Variants in ANO3 observed in about 807,000 individuals in gnomAD.
ANO3 encodes the protein anoctamin-3.
A neutral mutation model predicts 144.8 loss-of-function variants in ANO3; 99 were observed. The ratio of observed to expected loss-of-function variants is 0.68; its 90% CI spans 0.58 to 0.81. ANO3 has a LOEUF of 0.81. Ranked by LOEUF, ANO3 falls within the 30% of genes least tolerant of loss-of-function variation. The pLI is 0.00. For missense variants in ANO3, 905 were observed against 1,202.2 expected (o/e 0.75, Z 3.66); for synonymous variants, 414 against 392.6 (o/e 1.05, Z -0.64).
chr11:26,550,274 A>G (rs1470412791), intron 12 of ANO3, among the ~76,000 whole-genome samples: 1 of 151,882 alleles, frequency 6.6e-6, no homozygotes, highest in Non-Finnish European at 1.5e-5. Context: ...AATATTTATT[A>G]GTGATGAGAA....
intron 1 of ANO3, among the ~76,000 whole-genome samples, chr11:26,385,704 G>A (rs951462390): frequency 2.0e-5 from 3 of 151,914 alleles, no homozygotes; most frequent in African/African-American, 7.3e-5. Context: ...CACATCTCAA[G>A]ATCCTATATC....
chr11:26,454,183 A>G (rs557872842), intron 3 of ANO3, among the ~76,000 whole-genome samples: 131 of 152,292 alleles, frequency 8.6e-4, no homozygotes, highest in African/African-American at 3.0e-3. Context: ...AAGCAAGAGC[A>G]AACACATTCA....
At chr11:26,211,640 G>C (rs936127497) in intron 1 of ANO3, among the ~76,000 whole-genome samples, 1 of 152,142 alleles carries the variant, frequency 6.6e-6, no homozygotes, top group Admixed American at 6.6e-5. Context: ...AACCATTGTA[G>C]AAGACAGTTT....
chr11:26,658,216 G>C (rs1853757933), intron 26 of ANO3, among the ~76,000 whole-genome samples: 1 of 152,088 alleles, frequency 6.6e-6, no homozygotes, highest in Non-Finnish European at 1.5e-5. Flanking sequence ...ATCTTTTATT[G>C]TATTAAATAT....
chr11:26,575,211 AAC>A (rs1424733609), intron 14 of ANO3, among the ~76,000 whole-genome samples: 3 of 151,998 alleles, frequency 2.0e-5, no homozygotes, highest in Admixed American at 6.6e-5. Context: ...TTAAGAATAT[AAC>A]AGTCTTAGAT....
upstream of ANO3, among the ~76,000 whole-genome samples, chr11:26,307,183 G>A (rs915143218): frequency 1.3e-4 from 19 of 150,090 alleles, no homozygotes; most frequent in African/African-American, 2.9e-4. Context: ...GTAAAACCCC[G>A]CCTCTACTAA....
At chr11:26,210,690 G>A (rs1851913982) in intron 1 of ANO3, among the ~76,000 whole-genome samples, 1 of 152,028 alleles carries the variant, frequency 6.6e-6, no homozygotes, top group Non-Finnish European at 1.5e-5. Flanking sequence ...CCTTGAAGAA[G>A]TCCTCCACAT....
At chr11:26,622,483 G>A (rs541547219) in intron 17 of ANO3, among the ~76,000 whole-genome samples, 1 of 151,664 alleles carries the variant, frequency 6.6e-6, no homozygotes, top group East Asian at 2.0e-4. Flanking sequence ...GTGTGTACCT[G>A]TAGTTATAGC....
intron 3 of ANO3, among the ~76,000 whole-genome samples, chr11:26,456,695 T>G (rs371911921): frequency 0.014 from 1,477 of 108,482 alleles, 28 homozygotes; most frequent in Non-Finnish European, 0.02. Flanking sequence ...GAACTAGAAA[T>G]ACCATTTGAC....
At chr11:26,379,697 A>G (rs979019186) in intron 1 of ANO3, among the ~76,000 whole-genome samples, 5 of 152,042 alleles carry the variant, frequency 3.3e-5, no homozygotes, top group Non-Finnish European at 7.4e-5. Flanking sequence ...GGAGGCTGAG[A>G]TGGGAGGATC....
intron 1 of ANO3, among the ~76,000 whole-genome samples, chr11:26,253,174 A>C (rs1263483686): frequency 1.3e-5 from 2 of 152,216 alleles, no homozygotes; most frequent in African/African-American, 4.8e-5. Context: ...CACAAAAAAC[A>C]CAACAGCCTG....
chr11:26,400,536 T>C (rs966173225), intron 1 of ANO3, among the ~76,000 whole-genome samples: 2 of 152,034 alleles, frequency 1.3e-5, no homozygotes, highest in Non-Finnish European at 2.9e-5. Flanking sequence ...TAATTATACA[T>C]ATTTGACATA....
chr11:26,644,815 T>TCACA (rs71449132), intron 23 of ANO3, among the ~76,000 whole-genome samples: 7,939 of 145,146 alleles, frequency 0.055, 337 homozygotes, highest in African/African-American at 0.12. Flanking sequence ...GGAATACTAA[T>TCACA]CACACACACA....
At chr11:26,512,080 G>A (rs531392803) in intron 5 of ANO3, among the ~76,000 whole-genome samples, 2 of 152,254 alleles carry the variant, frequency 1.3e-5, no homozygotes, top group African/African-American at 4.8e-5. Flanking sequence ...TTACTGAAAA[G>A]AACATAGATT....
chr11:26,601,585 A>G (rs977835873), intron 17 of ANO3, among the ~76,000 whole-genome samples: 3 of 152,266 alleles, frequency 2.0e-5, no homozygotes, highest in Non-Finnish European at 4.4e-5. Context: ...ATGGTAGTAT[A>G]TATAAGATAG....
intron 24 of ANO3, among the ~76,000 whole-genome samples, chr11:26,654,058 A>G (rs930714743): frequency 6.6e-6 from 1 of 152,180 alleles, no homozygotes; most frequent in Non-Finnish European, 1.5e-5. Context: ...ACAGTGTCTT[A>G]ATTACTGTAA....
At chr11:26,231,038 C>T (rs558568040) in intron 1 of ANO3, among the ~76,000 whole-genome samples, 65 of 151,698 alleles carry the variant, frequency 4.3e-4, no homozygotes, top group Non-Finnish European at 7.5e-4. Context: ...ACCACCATGT[C>T]CAGCTAATTT....
chr11:26,421,050 T>G (rs1857736591), intron 1 of ANO3, among the ~76,000 whole-genome samples: 1 of 152,020 alleles, frequency 6.6e-6, no homozygotes, highest in African/African-American at 2.4e-5. Flanking sequence ...TGACACAAGT[T>G]TCTAAGTCCT....
intron 1 of ANO3, among the ~76,000 whole-genome samples, chr11:26,402,573 T>C (rs1857175897): frequency 6.6e-6 from 1 of 151,932 alleles, no homozygotes; most frequent in Non-Finnish European, 1.5e-5. Flanking sequence ...TCCCATTCTG[T>C]AGATTGCCAT....
Sources: gnomAD v4.1 joint callset for allele counts (sites outside exome capture counted in the v4.1 genomes callset) on GRCh38, gnomAD v4.1.1 for gene constraint, MANE v1.5 for transcripts, NCBI Gene and HGNC (gene_info 2026-07-23, HGNC 2026-07-21) for gene names.